Variants in CSMD1 observed in about 807,000 individuals in gnomAD.
CSMD1 encodes CUB and sushi domain-containing protein 1.
In CSMD1, 213 loss-of-function variants were observed where a neutral mutation model predicts 417.5. That is an observed-to-expected ratio of 0.51 (90% CI 0.46 to 0.57). CSMD1 has a LOEUF of 0.57. CSMD1 is among the 20% of genes least tolerant of loss of function. The pLI is 0.00. For missense variants in CSMD1, 6,923 were observed against 4,529.7 expected (o/e 1.53, Z -15.17); for synonymous variants, 2,862 against 1,736.8 (o/e 1.65, Z -16.11).
chr8:4,991,675 G>A (rs1443042562), intron 1 of CSMD1, among the ~76,000 whole-genome samples: 1 of 152,094 alleles, frequency 6.6e-6, no homozygotes, highest in Non-Finnish European at 1.5e-5. Context: ...GAGCCCCGGG[G>A]CCCAGCGCCG....
intron 12 of CSMD1, among the ~76,000 whole-genome samples, chr8:3,446,210 C>A (rs896391812): frequency 6.6e-6 from 1 of 152,190 alleles, no homozygotes; most frequent in East Asian, 1.9e-4. Flanking sequence ...CGTGAATGCA[C>A]TTTCTGAAGC....
At chr8:3,782,677 A>G (rs952052614) in intron 5 of CSMD1, among the ~76,000 whole-genome samples, 5 of 152,348 alleles carry the variant, frequency 3.3e-5, no homozygotes, top group Middle Eastern at 3.4e-3. Flanking sequence ...CAGAGTCAAC[A>G]ATGTTTGAGA....
intron 1 of CSMD1, among the ~76,000 whole-genome samples, chr8:4,930,414 T>A (rs1807169587): frequency 6.6e-6 from 1 of 152,032 alleles, no homozygotes; most frequent in Non-Finnish European, 1.5e-5. Context: ...CATGCACACA[T>A]CATTTTGAGA....
chr8:4,869,691 A>G (rs1802622009), intron 1 of CSMD1, among the ~76,000 whole-genome samples: 1 of 152,176 alleles, frequency 6.6e-6, no homozygotes, highest in South Asian at 2.1e-4. Context: ...TTCTCTGATT[A>G]TTAATCTTGA....
intron 7 of CSMD1, among the ~76,000 whole-genome samples, chr8:3,676,462 CAT>C (rs1336160269): frequency 2.6e-5 from 4 of 152,202 alleles, no homozygotes; most frequent in African/African-American, 7.2e-5. Flanking sequence ...GAAATTATTA[CAT>C]GTTATATTGT....
At chr8:3,007,085 C>A (rs1347705960) in intron 52 of CSMD1, among the ~76,000 whole-genome samples, 1 of 147,340 alleles carries the variant, frequency 6.8e-6, no homozygotes, top group Non-Finnish European at 1.5e-5. Context: ...AAGAAAAAAA[C>A]AAACAACCCC....
chr8:4,887,714 G>A (rs536591318), intron 1 of CSMD1, among the ~76,000 whole-genome samples: 7 of 151,678 alleles, frequency 4.6e-5, no homozygotes, highest in Non-Finnish European at 8.8e-5. Flanking sequence ...TTTGTTGGTA[G>A]GTGCATATAT....
intron 1 of CSMD1, among the ~76,000 whole-genome samples, chr8:4,750,164 C>G (rs1040115598): frequency 6.6e-6 from 1 of 152,028 alleles, no homozygotes; most frequent in Non-Finnish European, 1.5e-5. Context: ...CGCCACCACG[C>G]CCGGCTAATT....
chr8:3,507,437 C>T lies in CSMD1; in HGVS notation c.1345-13711G>A, dbSNP rs533476156. On this transcript the variant is annotated intron_variant, in intron 10 of 69. Transcript: ENST00000635120. Reference sequence around the variant, plus strand: ...CATTTGGGTTGGTTCCAAGTCTTTGCTATTGTGAATAGTGCCACAGTAAAC... The same window carrying T: ...CATTTGGGTTGGTTCCAAGTCTTTGTTATTGTGAATAGTGCCACAGTAAAC... Among the ~76,000 whole-genome samples the T allele has an allele frequency of 1.6e-4, 24 of 152,268 alleles. No homozygotes were observed. The South Asian group carries it at 5.0e-3, about 32-fold the overall frequency.
At chr8:4,786,999 C>T (rs1797433653) in intron 1 of CSMD1, among the ~76,000 whole-genome samples, 1 of 152,140 alleles carries the variant, frequency 6.6e-6, no homozygotes, top group African/African-American at 2.4e-5. Flanking sequence ...GGAGAGACCC[C>T]GTGTGTGTGG....
At chr8:4,633,888 G>C (rs1802683814) in intron 2 of CSMD1, among the ~76,000 whole-genome samples, 5 of 151,938 alleles carry the variant, frequency 3.3e-5, no homozygotes. Context: ...TAAGCATTTT[G>C]GGATTTGGTG....
intron 4 of CSMD1, among the ~76,000 whole-genome samples, chr8:4,022,553 A>G (rs1421642466): frequency 6.6e-6 from 1 of 152,178 alleles, no homozygotes; most frequent in East Asian, 1.9e-4. Flanking sequence ...AGGTGTCATG[A>G]AACAGGGTGT....
At chr8:3,818,178 C>A (rs548339362) in intron 5 of CSMD1, among the ~76,000 whole-genome samples, 4 of 152,116 alleles carry the variant, frequency 2.6e-5, no homozygotes, top group South Asian at 2.1e-4. Flanking sequence ...AGGATGCCAA[C>A]TGCACACTCC....
chr8:3,265,755 T>C (rs558813683), intron 26 of CSMD1, among the ~76,000 whole-genome samples: 1 of 152,266 alleles, frequency 6.6e-6, no homozygotes, highest in South Asian at 2.1e-4. Flanking sequence ...TCTGCCAGCA[T>C]GGCCTTTCTT....
chr8:4,646,648 C>A lies in CSMD1; in HGVS notation c.86-9090G>T, dbSNP rs1803535376. Reference sequence around the variant, plus strand: ...TTTCCTCAACAATGAAGAAAGATTTCTGCGTCAACAAGGCATATTTTAAAA... The same window carrying A: ...TTTCCTCAACAATGAAGAAAGATTTATGCGTCAACAAGGCATATTTTAAAA... On this transcript the variant is annotated intron_variant, in intron 1 of 69. Coordinates refer to ENST00000635120, the MANE Select transcript of CSMD1 (RefSeq NM_033225.6). 2.0e-5 allele frequency among the ~76,000 whole-genome samples: 3 copies of A among 152,248 alleles called. No homozygotes were observed. The South Asian group carries it at 6.2e-4, about 32-fold the overall frequency.
intron 21 of CSMD1, 76 bp downstream of exon 21, chr8:3,359,076 C>G: frequency 1.4e-6 from 2 of 1,463,812 alleles, no homozygotes; most frequent in Non-Finnish European, 1.9e-6. Flanking sequence ...CACCCGACCC[C>G]GACCACCCTA....
chr8:4,577,330 C>G (rs188315428), intron 2 of CSMD1, among the ~76,000 whole-genome samples: 36 of 152,254 alleles, frequency 2.4e-4, no homozygotes, highest in African/African-American at 7.9e-4. Context: ...AATGATGCCC[C>G]AAAATATTTA....
At chr8:3,869,151 C>T (rs138604982) in intron 5 of CSMD1, among the ~76,000 whole-genome samples, 156 of 152,246 alleles carry the variant, frequency 1.0e-3, no homozygotes, top group African/African-American at 3.5e-3. Context: ...GTCTCCACAC[C>T]GTGCCCTGAA....
intron 23 of CSMD1, among the ~76,000 whole-genome samples, chr8:3,317,030 G>A (rs567864321): frequency 1.2e-4 from 19 of 152,212 alleles, no homozygotes; most frequent in Non-Finnish European, 2.6e-4. Flanking sequence ...ATACTATTTT[G>A]CAAATTGAGC....
Sources: gnomAD v4.1 joint callset for allele counts (sites outside exome capture counted in the v4.1 genomes callset) on GRCh38, gnomAD v4.1.1 for gene constraint, MANE v1.5 for transcripts, NCBI Gene and HGNC (gene_info 2026-07-23, HGNC 2026-07-21) for gene names.